Variants in SMAD1 observed in about 807,000 individuals in gnomAD.
SMAD1 encodes MAD, mothers against decapentaplegic homolog 1.
In SMAD1, 6 loss-of-function variants were observed where a neutral mutation model predicts 41.6. The ratio of observed to expected loss-of-function variants is 0.14; its 90% CI spans 0.08 to 0.28. The LOEUF (loss-of-function observed/expected upper bound fraction) is 0.28, where lower values mean the gene tolerates loss of function less well. SMAD1 is among the 10% of genes least tolerant of loss of function. SMAD1 has a pLI of 1.00. For synonymous variants in SMAD1, 206 were observed against 203.2 expected, an observed-to-expected ratio of 1.01 and a Z score of -0.12; for missense variants, 379 against 582.6, an observed-to-expected ratio of 0.65 and a Z score of 3.60.
At chr4:145,538,744 C>T (rs1013691161) in intron 2 of SMAD1, among the ~76,000 whole-genome samples, 4 of 152,070 alleles carry the variant, frequency 2.6e-5, no homozygotes, top group African/African-American at 9.7e-5. Context: ...GTTTATGAAA[C>T]GGGCTGCTTT....
upstream of SMAD1, chr4:145,481,485 T>C (rs1728167440): frequency 6.6e-6 from 1 of 152,106 alleles, no homozygotes; most frequent in African/African-American, 2.4e-5. Flanking sequence ...AAAATAAACA[T>C]ATGGAACATC....
chr4:145,500,610 T>C (rs1016816069), intron 1 of SMAD1, among the ~76,000 whole-genome samples: 5 of 152,250 alleles, frequency 3.3e-5, no homozygotes, highest in Non-Finnish European at 7.4e-5. Flanking sequence ...AAACAGACTT[T>C]GAAAAACTTT....
At chr4:145,555,376 C>T (rs927663053) in intron 6 of SMAD1, among the ~76,000 whole-genome samples, 5 of 152,100 alleles carry the variant, frequency 3.3e-5, no homozygotes, top group Admixed American at 1.3e-4. Context: ...TCTTGAGAGT[C>T]GAGATGCGGT....
intron 1 of SMAD1, among the ~76,000 whole-genome samples, chr4:145,512,273 TG>T (rs1258261974): frequency 8.5e-5 from 13 of 152,178 alleles, no homozygotes; most frequent in Non-Finnish European, 1.8e-4. Context: ...CGTGAATGTA[TG>T]GTTAGATGTC....
At chr4:145,555,741 A>G (rs1177393604) in intron 6 of SMAD1, among the ~76,000 whole-genome samples, 1 of 152,190 alleles carries the variant, frequency 6.6e-6, no homozygotes, top group Non-Finnish European at 1.5e-5. Flanking sequence ...GATTTCATTC[A>G]TTCAGCAGAT....
At chr4:145,535,984 CA>C (rs143317658) in intron 2 of SMAD1, among the ~76,000 whole-genome samples, 3,567 of 112,932 alleles carry the variant, frequency 0.032, 60 homozygotes, top group Non-Finnish European at 0.04. Context: ...CTTAGTATAC[CA>C]AAAAAAAAAA....
Position 145,514,599 on chromosome 4 carries a change from A to T in SMAD1, c.-15A>T, listed in dbSNP as rs763024151. ...TATTTCACCATATCCAAGGAGTATA[A>T]CTAGTGCTGTCATTATGAATGTGAC... On this transcript the variant is annotated 5_prime_UTR_variant, in exon 2 of 7. Coordinates refer to ENST00000302085, the MANE Select transcript of SMAD1 (RefSeq NM_005900.3). The surrounding 1 kb of genome is among the most constrained non-coding windows in gnomAD (Gnocchi z 4.7). The T allele has an allele frequency of 8.2e-6, 13 of 1,581,802 alleles. No individual in the cohort carries two copies. The East Asian group carries it at 2.9e-4, about 35-fold the overall frequency.
chr4:145,481,770 C>G, upstream of SMAD1: 1 of 187,696 alleles, frequency 5.3e-6, no homozygotes, highest in Non-Finnish European at 1.1e-5. Flanking sequence ...TGTGAGCGGG[C>G]GGGCGGGCAG....
At chr4:145,538,841 T>G (rs1034049570) in intron 2 of SMAD1, among the ~76,000 whole-genome samples, 1 of 152,108 alleles carries the variant, frequency 6.6e-6, no homozygotes, top group African/African-American at 2.4e-5. Context: ...CAGGGAAACT[T>G]AGGATCTAAC....
chr4:145,490,100 T>G (rs565577589), intron 1 of SMAD1, among the ~76,000 whole-genome samples: 1 of 151,922 alleles, frequency 6.6e-6, no homozygotes, highest in South Asian at 2.1e-4. Context: ...AGTGAGAGAG[T>G]CTTATATTGC....
At chr4:145,516,993 T>TC (rs2126423479) in intron 2 of SMAD1, 1 of 152,166 alleles carries the variant, frequency 6.6e-6, no homozygotes, top group South Asian at 2.1e-4. Context: ...CCATCCATAC[T>TC]CCCCCTCACC....
chr4:145,486,711 AT>A (rs1391562998), intron 1 of SMAD1, among the ~76,000 whole-genome samples: 4 of 152,202 alleles, frequency 2.6e-5, no homozygotes, highest in African/African-American at 9.6e-5. Flanking sequence ...TTTACAGAGA[AT>A]AGAGATACTT....
In SMAD1 at chr4:145,554,111, C is replaced by T. The variant is rs575494827; in HGVS notation, c.1254+71C>T. On this transcript the variant is annotated intron_variant, in intron 6 of 6. Transcript: ENST00000302085. Reference sequence around the variant, plus strand: ...CTGTGCTTTTTTTTTTTTTTTTTGGCGATATATGAATCTATATCCTCTTGA... The same window carrying T: ...CTGTGCTTTTTTTTTTTTTTTTTGGTGATATATGAATCTATATCCTCTTGA... The T allele has an allele frequency of 3.5e-3, 3,954 of 1,120,058 alleles. 17 individuals carry two copies. Among genetic ancestry groups the T allele is most frequent in the Non-Finnish European group, 4.4e-3 (3,474 of 787,444 alleles). 69.4% of individuals were successfully genotyped at this position (1,120,058 alleles called of 1,614,324 possible).
At chr4:145,492,302 C>G (rs1391699919) in intron 1 of SMAD1, among the ~76,000 whole-genome samples, 1 of 152,200 alleles carries the variant, frequency 6.6e-6, no homozygotes, top group Non-Finnish European at 1.5e-5. Context: ...AACATAAGTC[C>G]AGGCTTCTGG....
At chr4:145,532,334 A>G (rs1475369756) in intron 2 of SMAD1, among the ~76,000 whole-genome samples, 1 of 152,236 alleles carries the variant, frequency 6.6e-6, no homozygotes, top group Non-Finnish European at 1.5e-5. Flanking sequence ...AGGAAAAGAG[A>G]TCAGGAAAAG....
At chr4:145,548,749 T>G (rs1344197694) in intron 5 of SMAD1, among the ~76,000 whole-genome samples, 1 of 152,220 alleles carries the variant, frequency 6.6e-6, no homozygotes, top group Non-Finnish European at 1.5e-5. Context: ...ATCAGTTTAT[T>G]TGCATGGTCT....
At chr4:145,490,744 C>A (rs1728729471) in intron 1 of SMAD1, among the ~76,000 whole-genome samples, 1 of 152,082 alleles carries the variant, frequency 6.6e-6, no homozygotes, top group Non-Finnish European at 1.5e-5. Flanking sequence ...GTAGATAGAG[C>A]ATTTCCCTAA....
At chr4:145,548,635 T>C (rs1732388154) in intron 5 of SMAD1, among the ~76,000 whole-genome samples, 1 of 152,158 alleles carries the variant, frequency 6.6e-6, no homozygotes, top group African/African-American at 2.4e-5. Context: ...GGTTGATAAA[T>C]GTAGAGTCAG....
rs1732975883 is a variant in SMAD1, at chr4:145,558,660, G to C, written c.*726G>C. 6.6e-6 allele frequency among the ~76,000 whole-genome samples: 1 copy of C among 151,668 alleles called. No individual in the cohort carries two copies. Among genetic ancestry groups the C allele is most frequent in the South Asian group, 2.1e-4 (1 of 4,782 alleles). ...AGACTATACTGTAAAAATTCAGTTTGTTGCTTTAAAGAAACAAACTGATAC... is the reference window on the plus strand; with the variant it reads ...AGACTATACTGTAAAAATTCAGTTTCTTGCTTTAAAGAAACAAACTGATAC... On this transcript the variant is annotated 3_prime_UTR_variant, in exon 7 of 7. Coordinates refer to ENST00000302085, the MANE Select transcript of SMAD1 (RefSeq NM_005900.3).
Sources: allele counts gnomAD v4.1 joint callset (sites outside exome capture counted in the v4.1 genomes callset), GRCh38; gene constraint gnomAD v4.1.1; non-coding constraint Gnocchi (gnomAD v3.1); transcripts MANE v1.5; gene names NCBI Gene and HGNC (gene_info 2026-07-23, HGNC 2026-07-21).